Variants in CENPW observed in about 807,000 individuals in gnomAD.
CENPW encodes centromere protein W.
A neutral mutation model predicts 11.1 loss-of-function variants in CENPW; 3 were observed. That is an observed-to-expected ratio of 0.27 (90% CI 0.12 to 0.70). The LOEUF (loss-of-function observed/expected upper bound fraction) is 0.70. Among genes scored for constraint, CENPW ranks in the 30% least tolerant of loss-of-function variants. The pLI is 0.77. For synonymous variants in CENPW, 38 were observed against 42.0 expected (o/e 0.91, Z 0.37); for missense variants, 100 against 105.6 (o/e 0.95, Z 0.23).
At chr6:126,474,178 C>G in the CENPW span, among the ~76,000 whole-genome samples, 2 of 151,526 alleles carry the variant, frequency 1.3e-5, no homozygotes, top group Non-Finnish European at 2.9e-5. Flanking sequence ...TTATACTCAG[C>G]GGTGAAAAAC....
chr6:126,364,374 G>C, the CENPW span, among the ~76,000 whole-genome samples: 5 of 152,138 alleles, frequency 3.3e-5, no homozygotes, highest in Non-Finnish European at 7.4e-5. Flanking sequence ...GCCTAGTATA[G>C]AGTTTTCTGT....
At chr6:126,402,190 A>G in the CENPW span, among the ~76,000 whole-genome samples, 34 of 152,048 alleles carry the variant, frequency 2.2e-4, no homozygotes, top group South Asian at 6.8e-3. Context: ...AAATTGAGCA[A>G]TTATTCCAGC....
chr6:126,405,915 A>G, the CENPW span, among the ~76,000 whole-genome samples: 2 of 151,950 alleles, frequency 1.3e-5, no homozygotes, highest in East Asian at 1.9e-4. Context: ...AGATTTTTCC[A>G]TATATAAGAT....
the CENPW span, among the ~76,000 whole-genome samples, chr6:126,447,435 C>A: frequency 3.8e-4 from 58 of 151,112 alleles, no homozygotes; most frequent in South Asian, 3.1e-3. Context: ...TGACAGGTAG[C>A]TTGATGTTTG....
At chr6:126,482,608 G>T in the CENPW span, among the ~76,000 whole-genome samples, 1 of 151,864 alleles carries the variant, frequency 6.6e-6, no homozygotes, top group East Asian at 1.9e-4. Flanking sequence ...TTATCAAAAA[G>T]ACATCCTTTA....
the CENPW span, among the ~76,000 whole-genome samples, chr6:126,373,158 T>G: frequency 1.4e-4 from 22 of 152,322 alleles, no homozygotes; most frequent in African/African-American, 4.8e-4. Context: ...TAACAAAATT[T>G]ACATTATTCT....
chr6:126,345,552 A>G (rs1780391944), intron 1 of CENPW, among the ~76,000 whole-genome samples: 1 of 151,986 alleles, frequency 6.6e-6, no homozygotes, highest in African/African-American at 2.4e-5. Context: ...ACATAACTAT[A>G]TTTTTTTAAT....
At chr6:126,455,885 A>G in the CENPW span, among the ~76,000 whole-genome samples, 3 of 151,422 alleles carry the variant, frequency 2.0e-5, no homozygotes, top group South Asian at 6.2e-4. Flanking sequence ...TTTTGGATAC[A>G]AAATTAATAT....
At chr6:126,462,606 A>T in the CENPW span, among the ~76,000 whole-genome samples, 1 of 151,006 alleles carries the variant, frequency 6.6e-6, no homozygotes. Flanking sequence ...CCTTTAACTT[A>T]CATAGATAGT....
chr6:126,397,785 CACTCTA>C, the CENPW span, among the ~76,000 whole-genome samples: 1 of 152,164 alleles, frequency 6.6e-6, no homozygotes, highest in Non-Finnish European at 1.5e-5. Context: ...TCATTACTTT[CACTCTA>C]ACTCTAAACT....
chr6:126,369,662 T>C, the CENPW span, among the ~76,000 whole-genome samples: 2 of 152,234 alleles, frequency 1.3e-5, no homozygotes, highest in African/African-American at 4.8e-5. Flanking sequence ...GAGTTCTTTG[T>C]AGATTCTGGA....
At chr6:126,430,046 A>G in the CENPW span, among the ~76,000 whole-genome samples, 1 of 152,190 alleles carries the variant, frequency 6.6e-6, no homozygotes, top group Non-Finnish European at 1.5e-5. Flanking sequence ...CTGTTCTGCC[A>G]TAGTATTCTG....
At chr6:126,409,918 AT>A in the CENPW span, among the ~76,000 whole-genome samples, 3 of 151,892 alleles carry the variant, frequency 2.0e-5, no homozygotes, top group Non-Finnish European at 4.4e-5. Context: ...ATAAATTATT[AT>A]TTTTTGGTGA....
the CENPW span, among the ~76,000 whole-genome samples, chr6:126,374,979 A>G: frequency 2.0e-5 from 3 of 152,238 alleles, no homozygotes; most frequent in Non-Finnish European, 4.4e-5. Context: ...TCATCTATAG[A>G]AACAAGCATT....
At chr6:126,420,248 G>A in the CENPW span, among the ~76,000 whole-genome samples, 1 of 152,108 alleles carries the variant, frequency 6.6e-6, no homozygotes, top group Non-Finnish European at 1.5e-5. Flanking sequence ...AGAGTGGCTG[G>A]ATGTGAGATG....
intron 1 of CENPW, among the ~76,000 whole-genome samples, chr6:126,341,396 A>G (rs1780307642): frequency 6.6e-6 from 1 of 151,906 alleles, no homozygotes; most frequent in South Asian, 2.1e-4. Flanking sequence ...TGGTTTTTCT[A>G]CCTCCTCTTT....
At chr6:126,408,702 T>A in the CENPW span, among the ~76,000 whole-genome samples, 1 of 152,238 alleles carries the variant, frequency 6.6e-6, no homozygotes, top group Non-Finnish European at 1.5e-5. Flanking sequence ...CCTGGTTCAA[T>A]ATTGTTAGGT....
the CENPW span, among the ~76,000 whole-genome samples, chr6:126,473,121 G>A: frequency 6.6e-6 from 1 of 152,020 alleles, no homozygotes; most frequent in Admixed American, 6.6e-5. Context: ...GTATTTCATT[G>A]TATGGTTAAG....
the CENPW span, among the ~76,000 whole-genome samples, chr6:126,414,272 A>G: frequency 6.6e-6 from 1 of 152,100 alleles, no homozygotes; most frequent in African/African-American, 2.4e-5. Context: ...AACAAAATCC[A>G]CAATGAAACA....
Sources: allele counts gnomAD v4.1 joint callset (sites outside exome capture counted in the v4.1 genomes callset), GRCh38; gene constraint gnomAD v4.1.1; transcripts MANE v1.5; gene names NCBI Gene and HGNC (gene_info 2026-07-23, HGNC 2026-07-21).